H2AC8: variants seen among roughly 807,000 people sequenced by gnomAD.
The protein encoded by H2AC8 is histone H2A type 1-B/E.
A neutral mutation model predicts 6.3 loss-of-function variants in H2AC8; 9 were observed. The ratio of observed to expected loss-of-function variants is 1.43; its 90% confidence interval spans 0.86 to 2.49. The LOEUF is 2.49. Ranked by LOEUF, H2AC8 falls within the 30% of genes most tolerant of loss-of-function variation. The pLI, the probability that H2AC8 is intolerant of heterozygous loss-of-function variation, is 0.00. For synonymous variants in H2AC8, 176 were observed against 79.6 expected (o/e 2.21, Z -6.45); for missense variants, 141 against 177.5 (o/e 0.79, Z 1.17).
exon 1 of H2AC8, chr6:26,217,038 G>A (rs758481205): frequency 2.5e-6 from 4 of 1,614,168 alleles, no homozygotes; most frequent in Non-Finnish European, 3.4e-6. Context: ...TTCTTCCAGG[G>A]CCGGTCTTCA....
exon 1 of H2AC8, chr6:26,217,114 G>C (rs746405024): frequency 6.2e-7 from 1 of 1,614,232 alleles, no homozygotes; most frequent in Admixed American, 1.7e-5. Context: ...GTCGGGGCCG[G>C]CGCTCCAGTG....
exon 1 of H2AC8, chr6:26,217,236 A>G: frequency 6.2e-7 from 1 of 1,614,230 alleles, no homozygotes; most frequent in Non-Finnish European, 8.5e-7. Flanking sequence ...GCAGCTAGCC[A>G]TCCGCAACGA....
chr6:26,217,029 T>A, exon 1 of H2AC8: 1 of 1,614,204 alleles, frequency 6.2e-7, no homozygotes, highest in Non-Finnish European at 8.5e-7. Context: ...TAAAACGCGT[T>A]CTTCCAGGGC....
chr6:26,217,046 T>C lies in H2AC8; in HGVS notation c.72T>C (p.Leu24=), dbSNP rs192412003. The C allele has an allele frequency of 5.0e-6, 8 of 1,614,144 alleles. No homozygotes were observed. In the Admixed American group the frequency reaches 1.2e-4, roughly 24 times the overall value. Residue 24 remains leucine (L), a synonymous_variant, in exon 1 of 1, where the codon CTT becomes CTC. Coordinates refer to ENST00000303910, the Ensembl canonical transcript of H2AC8. ...AAACGCGTTCTTCCAGGGCCGGTCT[T>C]CAGTTTCCAGTTGGCCGTGTGCACC... is the stretch of plus-strand genomic sequence containing the variant.
exon 1 of H2AC8, chr6:26,217,283 C>A: frequency 6.2e-7 from 1 of 1,614,214 alleles, no homozygotes; most frequent in African/African-American, 1.3e-5. Flanking sequence ...GCGTGACCAT[C>A]GCGCAGGGCG....
In H2AC8 at chr6:26,217,283, CG is replaced by C; in HGVS notation, c.310del (p.Ala104ArgfsTer37). On this transcript the variant is annotated frameshift_variant, in exon 1 of 1. Coordinates refer to ENST00000303910, the Ensembl canonical transcript of H2AC8. LOFTEE classifies it high-confidence loss of function. ...ATAAGCTTCTAGGTCGCGTGACCAT[CG>C]CGCAGGGCGGTGTCCTGCCCAACAT... The C allele has an allele frequency of 6.2e-7, 1 of 1,614,214 alleles. No individual in the cohort carries two copies. Among genetic ancestry groups the C allele is most frequent in the Non-Finnish European group, 8.5e-7 (1 of 1,180,036 alleles).
At chr6:26,217,053 C>G in exon 1 of H2AC8, 1 of 1,614,210 alleles carries the variant, frequency 6.2e-7, no homozygotes, top group South Asian at 1.1e-5. Context: ...TCTTCAGTTT[C>G]CAGTTGGCCG....
At chr6:26,216,995 A>G (rs1181844610) in exon 1 of H2AC8, 2 of 1,614,180 alleles carry the variant, frequency 1.2e-6, no homozygotes, top group Non-Finnish European at 1.7e-6. Context: ...GTGGAAAGCA[A>G]GGCGGCAAAG....
exon 1 of H2AC8, chr6:26,217,224 C>G: frequency 2.5e-6 from 4 of 1,614,238 alleles, no homozygotes; most frequent in Non-Finnish European, 3.4e-6. Context: ...CCCGCGCCAC[C>G]TGCAGCTAGC....
chr6:26,217,089 A>G (rs1765428113), exon 1 of H2AC8: 3 of 1,614,206 alleles, frequency 1.9e-6, no homozygotes, highest in Non-Finnish European at 2.5e-6. Context: ...CCGCAAAGGC[A>G]ACTACTCCGA....
At chr6:26,217,301 G>T in exon 1 of H2AC8, 1 of 1,614,190 alleles carries the variant, frequency 6.2e-7, no homozygotes, top group Non-Finnish European at 8.5e-7. Flanking sequence ...GCGGTGTCCT[G>T]CCCAACATCC....
chr6:26,217,337 G>T (rs760636792), exon 1 of H2AC8: 1 of 1,614,140 alleles, frequency 6.2e-7, no homozygotes, highest in East Asian at 2.2e-5. Flanking sequence ...CTAAGAAGAC[G>T]GAGAGCCACC....
exon 1 of H2AC8, chr6:26,217,278 A>G: frequency 6.2e-7 from 1 of 1,614,246 alleles, no homozygotes; most frequent in Non-Finnish European, 8.5e-7. Context: ...AGGTCGCGTG[A>G]CCATCGCGCA....
chr6:26,217,006 C>G (rs560072492), exon 1 of H2AC8: 4 of 1,614,176 alleles, frequency 2.5e-6, no homozygotes, highest in Non-Finnish European at 3.4e-6. Context: ...GGCGGCAAAG[C>G]TCGGGCAAAA....
exon 1 of H2AC8, chr6:26,217,376 C>T (rs201775863): frequency 1.7e-5 from 28 of 1,603,600 alleles, no homozygotes; most frequent in Non-Finnish European, 2.1e-5. Flanking sequence ...GAAATGATTA[C>T]TAGTCAAATC....
chr6:26,217,156 C>T, exon 1 of H2AC8: 1 of 1,614,156 alleles, frequency 6.2e-7, no homozygotes, highest in Non-Finnish European at 8.5e-7. Context: ...TATCTGACGG[C>T]CGAGATCTTA....
chr6:26,217,316 C>A (rs185778907), exon 1 of H2AC8: 2 of 1,614,148 alleles, frequency 1.2e-6, no homozygotes, highest in Middle Eastern at 1.6e-4. Flanking sequence ...ACATCCAGGC[C>A]GTATTGCTGC....
At chr6:26,217,347 C>T (rs766526588) in exon 1 of H2AC8, 5 of 1,613,950 alleles carry the variant, frequency 3.1e-6, no homozygotes, top group African/African-American at 1.3e-5. Context: ...GGAGAGCCAC[C>T]ATAAGGCCAA....
chr6:26,217,387 C>T (rs776623972), exon 1 of H2AC8: 18 of 1,600,634 alleles, frequency 1.1e-5, no homozygotes, highest in South Asian at 3.4e-5. Flanking sequence ...TAGTCAAATC[C>T]GTCAGTGATC....
Sources: gnomAD v4.1 joint callset for allele counts on GRCh38, gnomAD v4.1.1 for gene constraint, MANE v1.5 for transcripts, NCBI Gene and HGNC (gene_info 2026-07-23, HGNC 2026-07-21) for gene names.